UMODL1: variants seen among roughly 807,000 people sequenced by gnomAD.
UMODL1 encodes the protein uromodulin like 1, also known as uromodulin-like 1.
UMODL1 carries 128 observed loss-of-function variants against 136.3 expected under a neutral mutation model. That is an observed-to-expected ratio of 0.94 (90% CI 0.81 to 1.09). The LOEUF (loss-of-function observed/expected upper bound fraction) is 1.09. Ranked by LOEUF, UMODL1 falls within the 50% of genes least tolerant of loss-of-function variation. UMODL1 has a pLI of 0.00. For synonymous variants in UMODL1, 721 were observed against 720.0 expected, an observed-to-expected ratio of 1.00 and a Z score of -0.02; for missense variants, 1,766 against 1,725.6, an observed-to-expected ratio of 1.02 and a Z score of -0.41.
At chr21:42,064,860 A>G (rs752653202) in intron 1 of UMODL1, among the ~76,000 whole-genome samples, 12 of 152,034 alleles carry the variant, frequency 7.9e-5, no homozygotes, top group South Asian at 4.1e-4. Flanking sequence ...CCGGCCCACA[A>G]ATTTCTTTCT....
chr21:42,109,536 G>A (rs748439089), intron 9 of UMODL1, 26 bp from the exon 10 acceptor site: 46 of 1,598,796 alleles, frequency 2.9e-5, no homozygotes, highest in Non-Finnish European at 3.4e-5. Flanking sequence ...TTTCTCATGG[G>A]TTTTGATTGT....
At chr21:42,119,407 A>G (rs1324939699) in intron 15 of UMODL1, 83 bp downstream of exon 15, 1 of 1,357,518 alleles carries the variant, frequency 7.4e-7, no homozygotes, top group Non-Finnish European at 1.0e-6. Context: ...CGCTTTTGAA[A>G]GATGTCGTGT....
intron 5 of UMODL1, among the ~76,000 whole-genome samples, 196 bp from the exon 6 acceptor site, chr21:42,090,102 G>A (rs987131923): frequency 2.0e-5 from 3 of 152,204 alleles, no homozygotes; most frequent in East Asian, 1.9e-4. Flanking sequence ...CTTGGATGAC[G>A]ATGGCCAGCA....
chr21:42,085,474 G>A lies in UMODL1; in HGVS notation c.603+62G>A, dbSNP rs746718742. The A allele has an allele frequency of 6.2e-7, 1 of 1,610,622 alleles. No homozygotes were observed. Among genetic ancestry groups the A allele is most frequent in the African/African-American group, 1.3e-5 (1 of 75,006 alleles). ...TGTGGCAGCTGCTCAGGCAGACCCA[G>A]GTATGGGGCCGTGGAAGGGACCTGG... On this transcript the variant is annotated intron_variant, in intron 4 of 22. Coordinates refer to ENST00000408910, the MANE Select transcript of UMODL1 (RefSeq NM_001004416.3). This position sits in a 1 kb window ranked among gnomAD's most constrained non-coding sequence, Gnocchi z 4.5.
At chr21:42,108,727 C>T (rs529307940) in intron 9 of UMODL1, among the ~76,000 whole-genome samples, 1 of 152,234 alleles carries the variant, frequency 6.6e-6, no homozygotes, top group African/African-American at 2.4e-5. Context: ...TTGTCCTTGT[C>T]CTCACCTTCA....
chr21:42,092,652 T>G lies in UMODL1; in HGVS notation c.931+2214T>G, dbSNP rs564679866. On this transcript the variant is annotated intron_variant, in intron 6 of 22. Transcript: ENST00000408910. The stretch of plus-strand genomic sequence containing the variant: ...TACAGGGAATCTCTTTATATCCAAT[T>G]TGAATTCGTTAATCATTTAATTTGC... Among the ~76,000 whole-genome samples, 4 of 152,346 alleles carry G rather than the reference T, an allele frequency of 2.6e-5. No homozygotes were observed. In the South Asian group the frequency reaches 8.3e-4, roughly 32 times the overall value.
intron 21 of UMODL1, among the ~76,000 whole-genome samples, chr21:42,130,322 C>T (rs8127833): frequency 0.015 from 2,221 of 152,228 alleles, 53 homozygotes; most frequent in African/African-American, 0.05. Flanking sequence ...TCTGTTCCCC[C>T]TCAGTTTAAA....
At chr21:42,063,993 G>T (rs1319886846) in intron 1 of UMODL1, among the ~76,000 whole-genome samples, 1 of 152,146 alleles carries the variant, frequency 6.6e-6, no homozygotes, top group Non-Finnish European at 1.5e-5. Context: ...GGATGTGTGG[G>T]CTGACTCGTA....
Position 42,123,239 on chromosome 21 carries a change from G to T in UMODL1, c.3147+89G>T. 1.4e-6 allele frequency: 2 copies of T among 1,435,282 alleles called. No individual in the cohort carries two copies. The highest frequency in any genetic ancestry group is 2.7e-5 in the South Asian group (2 of 72,956). The allele number at this position is 1,435,282 out of a possible 1,614,324, so 88.9% of individuals were successfully genotyped here. A position where few individuals can be genotyped will look rare whatever the true frequency, so the allele number is the denominator to read the frequency against. On this transcript the variant is annotated intron_variant, in intron 17 of 22. Coordinates refer to ENST00000408910, the MANE Select transcript of UMODL1 (RefSeq NM_001004416.3). This position sits in a 1 kb window ranked among gnomAD's most constrained non-coding sequence, Gnocchi z 4.4. ...GCCTCGATGTGGGAGGGCCAGGCAA[G>T]ACTCTGCACCCCGAGGGGAACCCAG...
chr21:42,074,987 C>T (rs149046858), intron 1 of UMODL1, among the ~76,000 whole-genome samples: 1,718 of 152,106 alleles, frequency 0.011, 34 homozygotes, highest in African/African-American at 0.039. Context: ...CTGCAACCTC[C>T]GCCTCCTGGG....
At chr21:42,124,544 C>T (rs182936124) in intron 17 of UMODL1, among the ~76,000 whole-genome samples, 2 of 152,074 alleles carry the variant, frequency 1.3e-5, no homozygotes, top group African/African-American at 4.8e-5. Flanking sequence ...GTCAGGTGGG[C>T]AGGGATGGAA....
chr21:42,080,274 A>G (rs1216989391), intron 2 of UMODL1, among the ~76,000 whole-genome samples: 4 of 152,222 alleles, frequency 2.6e-5, no homozygotes, highest in African/African-American at 9.7e-5. Context: ...AGAACGAAGC[A>G]GGGCCCGAAG....
In UMODL1 at chr21:42,105,538, G is replaced by A. The variant is rs1035478213; in HGVS notation, c.1519+1451G>A. Among the ~76,000 whole-genome samples the A allele has an allele frequency of 3.9e-5, 6 of 152,230 alleles. No individual in the cohort carries two copies. The East Asian group carries it at 5.8e-4, about 15-fold the overall frequency. ...TTAGAATAAGGGTGTTTGCAGACAC[G>A]ATTAAGTTAAGGATGTCAAGATGAG... On this transcript the variant is annotated intron_variant, in intron 9 of 22. Coordinates refer to ENST00000408910, the MANE Select transcript of UMODL1 (RefSeq NM_001004416.3).
At chr21:42,081,430 G>A (rs965669034) in intron 2 of UMODL1, among the ~76,000 whole-genome samples, 3 of 152,190 alleles carry the variant, frequency 2.0e-5, no homozygotes, top group East Asian at 3.8e-4. Flanking sequence ...AGTTAGGGAC[G>A]AAGGAGATTT....
intron 7 of UMODL1, among the ~76,000 whole-genome samples, chr21:42,101,265 C>A (rs1054336340): frequency 2.0e-5 from 3 of 152,114 alleles, no homozygotes; most frequent in African/African-American, 7.2e-5. Flanking sequence ...CTGGAGGAGG[C>A]CGCCAGTCCA....
upstream of UMODL1, chr21:42,071,311 C>G: frequency 6.3e-7 from 1 of 1,575,356 alleles, no homozygotes; most frequent in South Asian, 1.2e-5. Context: ...CCACCACTGC[C>G]GGACGATGCT....
At chr21:42,098,816 A>G (rs1479472407) in intron 6 of UMODL1, 110 bp from the exon 7 acceptor site, 6 of 1,493,838 alleles carry the variant, frequency 4.0e-6, no homozygotes, top group Non-Finnish European at 5.4e-6. Context: ...GGTCAACTTG[A>G]TCAATAAATC....
Position 42,110,916 on chromosome 21 carries a change from C to G in UMODL1, c.1694C>G (p.Ala565Gly). 2 of 1,611,800 alleles carry G rather than the reference C, an allele frequency of 1.2e-6. No individual in the cohort carries two copies. Among genetic ancestry groups the G allele is most frequent in the Non-Finnish European group, 1.7e-6 (2 of 1,179,398 alleles). ...AGCCCCATGGGCGGTGGACTGTCTG[C>G]GGCAACAGGGGTAACGGTCCCAGGT... ...LVSPMGGGLS[A>G]ATGVTVPGLG... The change falls in exon 11 of 23, where the codon GCG (alanine) becomes GGG (glycine). Residue 565 changes from alanine to glycine, a missense_variant. Coordinates refer to ENST00000408910, the MANE Select transcript of UMODL1 (RefSeq NM_001004416.3).
upstream of UMODL1, among the ~76,000 whole-genome samples, chr21:42,070,805 G>A (rs1291878106): frequency 6.6e-6 from 1 of 152,250 alleles, no homozygotes. Flanking sequence ...CTGGGTCAAA[G>A]CACCTGGACA....
Sources: gnomAD v4.1 joint callset for allele counts (sites outside exome capture counted in the v4.1 genomes callset) on GRCh38, gnomAD v4.1.1 for gene constraint, Gnocchi (gnomAD v3.1) non-coding constraint, MANE v1.5 for transcripts, NCBI Gene and HGNC (gene_info 2026-07-23, HGNC 2026-07-21) for gene names.